The following PRR16 variants were observed in gnomAD, a reference collection of about 807,000 sequenced individuals.
PRR16 encodes protein Largen.
Under a neutral mutation model 18.2 loss-of-function variants are expected in PRR16, and 6 were observed. The observed-to-expected ratio is 0.33, with a 90% CI of 0.18 to 0.65. The LOEUF is 0.65. Ranked by LOEUF, PRR16 falls within the 30% of genes least tolerant of loss-of-function variation. PRR16 has a pLI of 0.74. For missense variants in PRR16, 412 were observed against 376.6 expected (o/e 1.09, Z -0.78); for synonymous variants, 151 against 147.8 (o/e 1.02, Z -0.16).
intron 1 of PRR16, among the ~76,000 whole-genome samples, chr5:120,600,420 A>G (rs1753945507): frequency 6.6e-6 from 1 of 151,892 alleles, no homozygotes; most frequent in Non-Finnish European, 1.5e-5. Flanking sequence ...CATAATGATA[A>G]TTGGGATTAT....
intron 1 of PRR16, among the ~76,000 whole-genome samples, chr5:120,626,241 T>C (rs1038992447): frequency 4.6e-5 from 7 of 152,030 alleles, no homozygotes; most frequent in Admixed American, 1.3e-4. Context: ...GATTAAAAAA[T>C]ATGATATACC....
chr5:120,513,863 A>G (rs1433702077), intron 1 of PRR16, among the ~76,000 whole-genome samples: 1 of 151,576 alleles, frequency 6.6e-6, no homozygotes, highest in Non-Finnish European at 1.5e-5. Context: ...GGTTCAAGCA[A>G]TTCTCCTGCC....
intron 1 of PRR16, among the ~76,000 whole-genome samples, chr5:120,588,103 A>G (rs1753507341): frequency 6.6e-6 from 1 of 152,186 alleles, no homozygotes; most frequent in Non-Finnish European, 1.5e-5. Flanking sequence ...TGAAGATATA[A>G]CTGAATTGCT....
intron 1 of PRR16, among the ~76,000 whole-genome samples, chr5:120,517,938 T>C (rs1751051328): frequency 6.6e-6 from 1 of 152,182 alleles, no homozygotes; most frequent in Admixed American, 6.5e-5. Flanking sequence ...TTCTCTAAAA[T>C]GCATCAGTAT....
chr5:120,610,453 G>A (rs1754296663), intron 1 of PRR16, among the ~76,000 whole-genome samples: 1 of 151,780 alleles, frequency 6.6e-6, no homozygotes. Flanking sequence ...GTTTGGCTAT[G>A]TCCCCACCCA....
At chr5:120,715,547 T>G in the PRR16 span, among the ~76,000 whole-genome samples, 3 of 152,346 alleles carry the variant, frequency 2.0e-5, no homozygotes, top group South Asian at 6.2e-4. Context: ...GACTATTGTG[T>G]GTTAACAAAC....
the PRR16 span, among the ~76,000 whole-genome samples, chr5:120,780,602 A>G: frequency 6.6e-6 from 1 of 152,078 alleles, no homozygotes; most frequent in Admixed American, 6.6e-5. Flanking sequence ...AATTTTTTCA[A>G]TAGGTTGTCA....
chr5:120,574,585 G>C, intron 1 of PRR16, among the ~76,000 whole-genome samples: 1 of 136,408 alleles, frequency 7.3e-6, no homozygotes, highest in Admixed American at 6.9e-5. Context: ...CTGGGAAAGA[G>C]AGCAAGACTC....
chr5:120,725,994 A>T, the PRR16 span, among the ~76,000 whole-genome samples: 1 of 152,098 alleles, frequency 6.6e-6, no homozygotes, highest in East Asian at 1.9e-4. Context: ...AATGTTTTGG[A>T]AAGGTCTCGG....
At chr5:120,522,421 A>G (rs1390579088) in intron 1 of PRR16, among the ~76,000 whole-genome samples, 1 of 152,222 alleles carries the variant, frequency 6.6e-6, no homozygotes, top group African/African-American at 2.4e-5. Context: ...TCTGATGGCC[A>G]GTGATGATCA....
At chr5:120,617,589 A>G (rs1754557186) in intron 1 of PRR16, among the ~76,000 whole-genome samples, 1 of 152,160 alleles carries the variant, frequency 6.6e-6, no homozygotes, top group African/African-American at 2.4e-5. Flanking sequence ...ATGTTAGAAT[A>G]TTCACACTTT....
intron 1 of PRR16, among the ~76,000 whole-genome samples, chr5:120,584,939 A>G (rs893813214): frequency 6.6e-6 from 1 of 152,136 alleles, no homozygotes. Flanking sequence ...TCAAAGCAGA[A>G]GGGGGCTGAA....
At chr5:120,713,520 G>A in the PRR16 span, among the ~76,000 whole-genome samples, 1 of 152,106 alleles carries the variant, frequency 6.6e-6, no homozygotes, top group Non-Finnish European at 1.5e-5. Flanking sequence ...CATATTATAT[G>A]TGGGAAATAG....
At chr5:120,713,627 T>C in the PRR16 span, among the ~76,000 whole-genome samples, 1 of 152,166 alleles carries the variant, frequency 6.6e-6, no homozygotes, top group Non-Finnish European at 1.5e-5. Context: ...CGAAAGGCAG[T>C]AAGTAGCTTG....
chr5:120,780,822 G>T, the PRR16 span, among the ~76,000 whole-genome samples: 1 of 152,144 alleles, frequency 6.6e-6, no homozygotes, highest in African/African-American at 2.4e-5. Context: ...AGGCCGAGGC[G>T]GGGGGAATCG....
At chr5:120,769,864 G>A in the PRR16 span, among the ~76,000 whole-genome samples, 5 of 151,812 alleles carry the variant, frequency 3.3e-5, no homozygotes, top group South Asian at 8.3e-4. Flanking sequence ...TATCCTCACT[G>A]ACACTTGTTT....
intron 1 of PRR16, chr5:120,481,132 G>A (rs1749596711): frequency 5.1e-6 from 6 of 1,172,136 alleles, no homozygotes; most frequent in East Asian, 1.3e-4. Context: ...CTTTACCAAT[G>A]TTTTAAAATA....
downstream of PRR16, among the ~76,000 whole-genome samples, chr5:120,688,541 A>G (rs910804850): frequency 1.3e-5 from 2 of 152,218 alleles, no homozygotes; most frequent in Non-Finnish European, 2.9e-5. Flanking sequence ...TAGTCTTGAT[A>G]TAAATAAAGC....
At chr5:120,592,319 C>T (rs915758668) in intron 1 of PRR16, among the ~76,000 whole-genome samples, 1 of 152,106 alleles carries the variant, frequency 6.6e-6, no homozygotes, top group Non-Finnish European at 1.5e-5. Context: ...CAGAATAACT[C>T]TTGTCGTAGG....
Sources: gnomAD v4.1 joint callset for allele counts (sites outside exome capture counted in the v4.1 genomes callset) on GRCh38, gnomAD v4.1.1 for gene constraint, MANE v1.5 for transcripts, NCBI Gene and HGNC (gene_info 2026-07-23, HGNC 2026-07-21) for gene names.